CLSTN3: variants seen among roughly 807,000 people sequenced by gnomAD.
CLSTN3 encodes calsyntenin 3.
CLSTN3 carries 36 observed loss-of-function variants against 95.9 expected under a neutral mutation model. That is an observed-to-expected ratio of 0.38 (90% CI 0.29 to 0.50). The LOEUF is 0.50. CLSTN3 is among the 20% of genes least tolerant of loss of function. The pLI, the probability that CLSTN3 is intolerant of heterozygous loss-of-function variation, is 0.95. For missense variants in CLSTN3, 1,084 were observed against 1,268.8 expected, an observed-to-expected ratio of 0.85 and a Z score of 2.21; for synonymous variants, 481 against 504.0, an observed-to-expected ratio of 0.95 and a Z score of 0.61.
chr12:7,149,515 C>T lies in CLSTN3; in HGVS notation c.2075-8C>T, dbSNP rs1418153142. 1 of 1,606,862 alleles carries T rather than the reference C, an allele frequency of 6.2e-7. No individual in the cohort carries two copies. Among genetic ancestry groups the T allele is most frequent in the Non-Finnish European group, 8.5e-7 (1 of 1,175,822 alleles). On this transcript the variant is annotated splice_region_variant and splice_polypyrimidine_tract_variant and intron_variant, in intron 13 of 17. Transcript: ENST00000266546. The surrounding 1 kb of genome is among the most constrained non-coding windows in gnomAD (Gnocchi z 4.5). ...GCTCTGACCCAGACCCTACTATCCC[C>T]AACCCAGTGACAGACACACGCATGT...
Position 7,137,604 on chromosome 12 carries a change from T to A in CLSTN3, c.1211-351T>A, listed in dbSNP as rs17791147. Among the ~76,000 whole-genome samples the A allele has an allele frequency of 6.6e-6, 1 of 151,996 alleles. No individual in the cohort carries two copies. The highest frequency in any genetic ancestry group is 1.5e-5 in the Non-Finnish European group (1 of 68,002). On this transcript the variant is annotated intron_variant, in intron 7 of 17. Coordinates refer to ENST00000266546, the MANE Select transcript of CLSTN3 (RefSeq NM_014718.4). The surrounding 1 kb of genome is among the most constrained non-coding windows in gnomAD (Gnocchi z 4.4). The stretch of plus-strand genomic sequence containing the variant: ...TTCTCCAACCTCATTTCTCTTGACC[T>A]TGACAACTCTTTTGAAAAGGGTTGT...
At chr12:7,146,583 C>T (rs868092093) in intron 12 of CLSTN3, among the ~76,000 whole-genome samples, 10 of 152,138 alleles carry the variant, frequency 6.6e-5, no homozygotes, top group East Asian at 1.9e-4. Context: ...TTTCTCTGAT[C>T]GTTCCTACCT....
chr12:7,143,292 C>G lies in CLSTN3; in HGVS notation c.1828C>G (p.Arg610Gly). Residue 610 changes from arginine (R) to glycine (G), a missense_variant, in exon 12 of 18, where the codon CGC becomes GGC. Coordinates refer to ENST00000266546, the MANE Select transcript of CLSTN3 (RefSeq NM_014718.4). ...TGCCACGCCCGGCGTCAGGCCCCTG[C>G]GCCTCACCACTGCTGTCAAGTGAGT... ...RFATPGVRPLRLTTAVKCFSE... is the reference protein window; with the variant it reads ...RFATPGVRPLGLTTAVKCFSE... The G allele has an allele frequency of 1.9e-6, 3 of 1,609,896 alleles. No homozygotes were observed. The South Asian group carries it at 3.3e-5, about 18-fold the overall frequency.
chr12:7,134,217 T>G (rs1278422410), intron 3 of CLSTN3, among the ~76,000 whole-genome samples: 5 of 152,104 alleles, frequency 3.3e-5, no homozygotes, highest in African/African-American at 1.2e-4. Context: ...TCAGCATGCA[T>G]CCAGTTCCCT....
In CLSTN3 at chr12:7,137,964, T is replaced by G; in HGVS notation, c.1220T>G (p.Phe407Cys). ...VCNTVQNEDG[F>C]SHYSLTVHGC... ...CTTCCTGTGCCCTCAGAGGACGGCT[T>G]CTCTCACTACTCGCTGACTGTCCAC... Residue 407 changes from phenylalanine (F) to cysteine (C), a missense_variant, in exon 8 of 18, where the codon TTC becomes TGC. By Grantham distance (205) the Phe-to-Cys change is radical. Transcript: ENST00000266546. This position sits in a 1 kb window ranked among gnomAD's most constrained non-coding sequence, Gnocchi z 4.4. 1 of 1,613,834 alleles carries G rather than the reference T, an allele frequency of 6.2e-7. No homozygotes were observed. The highest frequency in any genetic ancestry group is 8.5e-7 in the Non-Finnish European group (1 of 1,179,826).
Position 7,149,785 on chromosome 12 carries a change from C to T in CLSTN3, c.2245+92C>T. On this transcript the variant is annotated intron_variant, in intron 14 of 17. Transcript: ENST00000266546. The surrounding 1 kb of genome is among the most constrained non-coding windows in gnomAD (Gnocchi z 4.5). ...AGCCCAGAGGGTCCTCCTTCCAGGTCCAGGGATGTGGACAAGTGCCGTTTT... is the reference window on the plus strand; with the variant it reads ...AGCCCAGAGGGTCCTCCTTCCAGGTTCAGGGATGTGGACAAGTGCCGTTTT... The T allele has an allele frequency of 8.1e-7, 1 of 1,239,940 alleles. No individual in the cohort carries two copies. The highest frequency in any genetic ancestry group is 1.1e-6 in the Non-Finnish European group (1 of 891,930). The allele number at this position is 1,239,940 out of a possible 1,614,324, so 76.8% of individuals were successfully genotyped here.
At position 7,133,500 on chromosome 12, in the gene CLSTN3, A is replaced by G. The variant is rs1474579347; in HGVS notation, c.188-73A>G. ...GCTTTGGGAGGAGAGGTGGAGCTGG[A>G]CCCCAGGTGGGGAGACTGAGGGTGG... is the stretch of plus-strand genomic sequence containing the variant. On this transcript the variant is annotated intron_variant, in intron 2 of 17. Transcript: ENST00000266546. The surrounding 1 kb of genome is among the most constrained non-coding windows in gnomAD (Gnocchi z 4.7). The G allele has an allele frequency of 3.4e-6, 5 of 1,451,602 alleles. No homozygotes were observed. The highest frequency in any genetic ancestry group is 4.8e-6 in the Non-Finnish European group (5 of 1,040,304). The allele number at this position is 1,451,602 out of a possible 1,614,324, so 89.9% of individuals were successfully genotyped here. A position where few individuals can be genotyped will look rare whatever the true frequency, so the allele number is the denominator to read the frequency against.
Position 7,157,985 on chromosome 12 carries a change from C to T in CLSTN3, c.2775C>T (p.Gly925=), listed in dbSNP as rs367689818. Residue 925 remains glycine, a synonymous_variant, in exon 18 of 18, where the codon GGC becomes GGT. Coordinates refer to ENST00000266546, the MANE Select transcript of CLSTN3 (RefSeq NM_014718.4). The surrounding 1 kb of genome is among the most constrained non-coding windows in gnomAD (Gnocchi z 5.9). ...RQSCVTGAVG[G]QQEDEDSSDS... is the part of the protein sequence containing the mutation. Reference sequence around the variant, plus strand: ...CCTGTGTGACGGGGGCTGTTGGGGGCCAGCAGGAGGATGAGGACAGCAGTG... The same window carrying T: ...CCTGTGTGACGGGGGCTGTTGGGGGTCAGCAGGAGGATGAGGACAGCAGTG... 9 of 1,551,150 alleles carry T rather than the reference C, an allele frequency of 5.8e-6. No individual in the cohort carries two copies. The African/African-American group carries it at 1.1e-4, about 19-fold the overall frequency.
At chr12:7,147,275 C>T (rs1459646968) in intron 12 of CLSTN3, among the ~76,000 whole-genome samples, 1 of 151,406 alleles carries the variant, frequency 6.6e-6, no homozygotes, top group Non-Finnish European at 1.5e-5. Context: ...TGGCGCACAC[C>T]TGTGGTCCCA....
At chr12:7,136,595 C>T (rs1565649524) in intron 6 of CLSTN3, among the ~76,000 whole-genome samples, 1 of 152,176 alleles carries the variant, frequency 6.6e-6, no homozygotes, top group Non-Finnish European at 1.5e-5. Context: ...CAGACAGTCA[C>T]CGGATGCATG....
chr12:7,142,806 C>T, intron 10 of CLSTN3, 63 bp from the exon 11 acceptor site: 1 of 1,496,076 alleles, frequency 6.7e-7, no homozygotes, highest in Non-Finnish European at 9.3e-7. Context: ...TTCTCTCAGC[C>T]TTCGTCCTTT....
At position 7,150,989 on chromosome 12, in the gene CLSTN3, A is replaced by G; in HGVS notation, c.2453A>G (p.Gln818Arg). ...CCCAGCCACGTGCTCAGCTCCCAGC[A>G]GTTCCTGCACCGTGGTCACCAGCCC... ...AHPSHVLSSQ[Q>R]FLHRGHQPPP... is the part of the protein sequence containing the mutation. Residue 818 changes from glutamine to arginine, a missense_variant, in exon 16 of 18, where the codon CAG becomes CGG. Transcript: ENST00000266546. This position sits in a 1 kb window ranked among gnomAD's most constrained non-coding sequence, Gnocchi z 4.0. 1 of 1,613,500 alleles carries G rather than the reference A, an allele frequency of 6.2e-7. No homozygotes were observed. The highest frequency in any genetic ancestry group is 8.5e-7 in the Non-Finnish European group (1 of 1,179,654).
rs1939685414 is a variant in CLSTN3 at position 7,149,480 on chromosome 12, G to A, written c.2075-43G>A. ...CATGGTTGGGTCTCAGAACCTCCGT[G>A]GGCCCTTTGGCTCTGACCCAGACCC... On this transcript the variant is annotated intron_variant, in intron 13 of 17. Transcript: ENST00000266546. This position sits in a 1 kb window ranked among gnomAD's most constrained non-coding sequence, Gnocchi z 4.5. The A allele has an allele frequency of 6.4e-7, 1 of 1,568,702 alleles. No individual in the cohort carries two copies.
chr12:7,154,884 C>G (rs754741725), intron 16 of CLSTN3, among the ~76,000 whole-genome samples: 4 of 152,146 alleles, frequency 2.6e-5, no homozygotes, highest in Admixed American at 2.6e-4. Flanking sequence ...TCATAACATG[C>G]GTACTATGAG....
At chr12:7,155,596 C>T (rs781524219) in intron 16 of CLSTN3, among the ~76,000 whole-genome samples, 11 of 152,238 alleles carry the variant, frequency 7.2e-5, no homozygotes, top group African/African-American at 1.2e-4. Flanking sequence ...GGTCTGTTGA[C>T]GTGGAGACCT....
Position 7,150,725 on chromosome 12 carries a change from AC to A in CLSTN3, c.2391+41del, listed in dbSNP as rs771788155. ...AGTCTCCTTCCTTCCACAGTTACCCACCCCCAGAAAGGAGCTGAGGTGGCAT... is the reference window on the plus strand; with the variant it reads ...AGTCTCCTTCCTTCCACAGTTACCCACCCCAGAAAGGAGCTGAGGTGGCAT... On this transcript the variant is annotated intron_variant, in intron 15 of 17. Coordinates refer to ENST00000266546, the MANE Select transcript of CLSTN3 (RefSeq NM_014718.4). This position sits in a 1 kb window ranked among gnomAD's most constrained non-coding sequence, Gnocchi z 4.0. 7 of 1,601,042 alleles carry A rather than the reference AC, an allele frequency of 4.4e-6. No homozygotes were observed. In the African/African-American group the frequency reaches 9.4e-5, roughly 21 times the overall value.
In CLSTN3 at chr12:7,149,505, C is replaced by A; in HGVS notation, c.2075-18C>A. The A allele has an allele frequency of 6.2e-7, 1 of 1,600,824 alleles. No individual in the cohort carries two copies. On this transcript the variant is annotated intron_variant, in intron 13 of 17. Coordinates refer to ENST00000266546, the MANE Select transcript of CLSTN3 (RefSeq NM_014718.4). The surrounding 1 kb of genome is among the most constrained non-coding windows in gnomAD (Gnocchi z 4.5). ...GGGCCCTTTGGCTCTGACCCAGACC[C>A]TACTATCCCCAACCCAGTGACAGAC... is the stretch of plus-strand genomic sequence containing the variant.
Position 7,130,407 on chromosome 12 carries a change from G to A in CLSTN3, c.-242G>A. 1.4e-6 allele frequency: 2 copies of A among 1,432,138 alleles called. No homozygotes were observed. The highest frequency in any genetic ancestry group is 1.8e-6 in the Non-Finnish European group (2 of 1,093,652). The allele number at this position is 1,432,138 out of a possible 1,614,324, so 88.7% of individuals were successfully genotyped here. A position where few individuals can be genotyped will look rare whatever the true frequency, so the allele number is the denominator to read the frequency against. On this transcript the variant is annotated 5_prime_UTR_variant, in exon 1 of 18. It adds an upstream start codon to the 5' untranslated region. Transcript: ENST00000266546. Reference sequence around the variant, plus strand: ...GCGGGGTTGGGGTGGGAGTGAGAGAGTGAGGACGCTGGGCTGGGGGAAACG... The same window carrying A: ...GCGGGGTTGGGGTGGGAGTGAGAGAATGAGGACGCTGGGCTGGGGGAAACG...
chr12:7,157,852 A>G lies in CLSTN3; in HGVS notation c.2731-89A>G. The stretch of plus-strand genomic sequence containing the variant: ...CAGGGAAGGGGGTACACAGGGGTTA[A>G]GGGGACCGAGGGAAGTGTGGTCCCT... On this transcript the variant is annotated intron_variant, in intron 17 of 17. Coordinates refer to ENST00000266546, the MANE Select transcript of CLSTN3 (RefSeq NM_014718.4). The surrounding 1 kb of genome is among the most constrained non-coding windows in gnomAD (Gnocchi z 5.9). 1 of 1,524,366 alleles carries G rather than the reference A, an allele frequency of 6.6e-7. No homozygotes were observed. The highest frequency in any genetic ancestry group is 1.2e-5 in the South Asian group (1 of 82,572). 94.4% of individuals were successfully genotyped at this position (1,524,366 alleles called of 1,614,324 possible).
Sources: gnomAD v4.1 joint callset for allele counts (sites outside exome capture counted in the v4.1 genomes callset) on GRCh38, gnomAD v4.1.1 for gene constraint, Gnocchi (gnomAD v3.1) non-coding constraint, MANE v1.5 for transcripts, NCBI Gene and HGNC (gene_info 2026-07-23, HGNC 2026-07-21) for gene names.